Variants in MGST1 observed in about 807,000 individuals in gnomAD.
MGST1 encodes microsomal glutathione S-transferase 1.
In MGST1, 5 loss-of-function variants were observed where a neutral mutation model predicts 8.9. That is an observed-to-expected ratio of 0.56 (90% CI 0.29 to 1.19). The LOEUF (loss-of-function observed/expected upper bound fraction) is 1.19, where lower values mean the gene tolerates loss of function less well. MGST1 is among the 50% of genes most tolerant of loss of function. MGST1 has a pLI of 0.08. For synonymous variants in MGST1, 54 were observed against 67.8 expected, an observed-to-expected ratio of 0.80 and a Z score of 1.00; for missense variants, 182 against 187.4, an observed-to-expected ratio of 0.97 and a Z score of 0.17.
At chr12:16,377,025 A>AAT (rs1940391187) in exon 4 of MGST1, 1 of 152,088 alleles carries the variant, frequency 6.6e-6, no homozygotes, top group Admixed American at 6.6e-5. Context: ...CCAAGACCTA[A>AAT]ATATAGCTTA....
rs1055250422 is a variant in MGST1, at chr12:16,413,465, C to G, written n.779-23923C>G. Among the ~76,000 whole-genome samples, 1 of 152,062 alleles carries G rather than the reference C, an allele frequency of 6.6e-6. No homozygotes were observed. The highest frequency in any genetic ancestry group is 1.5e-5 in the Non-Finnish European group (1 of 68,024). ...TTAATGGTACAGGCATTTTATGACC[C>G]CTGAGAACAGCAGGTAAGTGGTGGT... is the stretch of plus-strand genomic sequence containing the variant. On this transcript the variant is annotated intron_variant and non_coding_transcript_variant, in intron 1 of 1. Transcript: ENST00000359720. The surrounding 1 kb of genome is among the most constrained non-coding windows in gnomAD (Gnocchi z 4.0).
chr12:16,400,806 T>A, intron 1 of MGST1: 1 of 1,240,006 alleles, frequency 8.1e-7, no homozygotes, highest in Non-Finnish European at 1.2e-6. Context: ...AACACAGGCA[T>A]TATTACAGTC....
intron 4 of MGST1, among the ~76,000 whole-genome samples, chr12:16,575,825 C>A (rs1942976252): frequency 7.8e-6 from 1 of 127,846 alleles, no homozygotes; most frequent in South Asian, 2.6e-4. Context: ...AAATTCTTCA[C>A]TTTCTACTCA....
chr12:16,483,128 C>G (rs978292463), intron 4 of MGST1, among the ~76,000 whole-genome samples: 59 of 152,300 alleles, frequency 3.9e-4, no homozygotes, highest in Non-Finnish European at 7.2e-4. Context: ...GCAGGCACAG[C>G]CTGCTAAAAT....
In MGST1 at chr12:16,537,395, G is replaced by A. The variant is rs1941762409; in HGVS notation, n.483-52133G>A. On this transcript the variant is annotated intron_variant and non_coding_transcript_variant, in intron 4 of 4. Transcript: ENST00000538857. The surrounding 1 kb of genome is among the most constrained non-coding windows in gnomAD (Gnocchi z 4.6). ...GTATCTGTGGCTTTTCCAGTAGCAT[G>A]GTGCAAGCTGTGGGATCTACCATTC... Among the ~76,000 whole-genome samples, 2 of 152,134 alleles carry A rather than the reference G, an allele frequency of 1.3e-5. No homozygotes were observed. Among genetic ancestry groups the A allele is most frequent in the African/African-American group, 4.8e-5 (2 of 41,424 alleles).
chr12:16,351,659 A>G (rs562437825), intron 1 of MGST1, among the ~76,000 whole-genome samples: 30 of 152,128 alleles, frequency 2.0e-4, no homozygotes, highest in Non-Finnish European at 4.0e-4. Flanking sequence ...AAAATACAAA[A>G]ATTAGCCAGG....
chr12:16,414,978 C>T (rs138012285), intron 1 of MGST1, among the ~76,000 whole-genome samples: 1,749 of 152,156 alleles, frequency 0.011, 39 homozygotes, highest in African/African-American at 0.04. Flanking sequence ...GAGCCAAGAT[C>T]GCACCATTGC....
chr12:16,519,949 C>CG (rs1941638179), intron 4 of MGST1, among the ~76,000 whole-genome samples: 1 of 152,150 alleles, frequency 6.6e-6, no homozygotes, highest in Non-Finnish European at 1.5e-5. Context: ...CAATCAGATA[C>CG]ATGTTGCCTC....
chr12:16,412,855 G>A (rs1219999317), intron 1 of MGST1, among the ~76,000 whole-genome samples: 1 of 152,154 alleles, frequency 6.6e-6, no homozygotes, highest in Non-Finnish European at 1.5e-5. Flanking sequence ...TTAGCAGGGT[G>A]AGAACAGACT....
At chr12:16,463,151 ACTG>A (rs1414136320) in intron 4 of MGST1, among the ~76,000 whole-genome samples, 1 of 152,100 alleles carries the variant, frequency 6.6e-6, no homozygotes, top group Non-Finnish European at 1.5e-5. Context: ...AGAGACTAAT[ACTG>A]CTTACCTCTC....
Position 16,413,382 on chromosome 12 carries a change from C to T in MGST1, n.779-24006C>T, listed in dbSNP as rs908435709. Among the ~76,000 whole-genome samples, 5 of 152,158 alleles carry T rather than the reference C, an allele frequency of 3.3e-5. No homozygotes were observed. Among genetic ancestry groups the T allele is most frequent in the Admixed American group, 2.6e-4 (4 of 15,270 alleles). On this transcript the variant is annotated intron_variant and non_coding_transcript_variant, in intron 1 of 1. Transcript: ENST00000359720. The surrounding 1 kb of genome is among the most constrained non-coding windows in gnomAD (Gnocchi z 4.0). ...CAGCAAAAAAGACATCTGTTCATCCCGCAAGATTTTGCTAACTCTCATCCA... is the reference window on the plus strand; with the variant it reads ...CAGCAAAAAAGACATCTGTTCATCCTGCAAGATTTTGCTAACTCTCATCCA...
At chr12:16,490,030 G>A (rs1298638914) in intron 4 of MGST1, among the ~76,000 whole-genome samples, 2 of 152,138 alleles carry the variant, frequency 1.3e-5, no homozygotes, top group African/African-American at 4.8e-5. Context: ...TGGAGGCCTA[G>A]GTGGGAAAAT....
At chr12:16,407,484 C>A (rs896855958) in intron 1 of MGST1, among the ~76,000 whole-genome samples, 23 of 152,226 alleles carry the variant, frequency 1.5e-4, no homozygotes, top group African/African-American at 4.8e-4. Flanking sequence ...ATAAGTTCAA[C>A]CATTGTGGAA....
At chr12:16,479,776 C>G (rs923570497) in intron 4 of MGST1, among the ~76,000 whole-genome samples, 1 of 150,688 alleles carries the variant, frequency 6.6e-6, no homozygotes, top group East Asian at 2.0e-4. Context: ...CCTCAAGCAA[C>G]GCTCCTGCCT....
intron 4 of MGST1, among the ~76,000 whole-genome samples, chr12:16,567,038 T>C (rs1266211142): frequency 6.6e-6 from 1 of 152,052 alleles, no homozygotes; most frequent in Non-Finnish European, 1.5e-5. Context: ...CTACTAAAAA[T>C]ATGAAAAATT....
chr12:16,556,445 G>T (rs1339000174), intron 4 of MGST1, among the ~76,000 whole-genome samples: 5 of 152,112 alleles, frequency 3.3e-5, no homozygotes, highest in Non-Finnish European at 7.4e-5. Context: ...AATCCTGAAA[G>T]GTTATTATTA....
intron 4 of MGST1, among the ~76,000 whole-genome samples, chr12:16,451,490 A>G (rs1362797598): frequency 6.6e-6 from 1 of 151,962 alleles, no homozygotes; most frequent in East Asian, 1.9e-4. Flanking sequence ...ATTAAAATAA[A>G]TTGAGTAGAG....
At chr12:16,374,997 C>G (rs1044179881) in intron 3 of MGST1, among the ~76,000 whole-genome samples, 2 of 152,160 alleles carry the variant, frequency 1.3e-5, no homozygotes, top group Admixed American at 1.3e-4. Context: ...CCTCCCTCTG[C>G]CGCCTCTTGA....
At chr12:16,429,008 T>A (rs1229677880) in intron 1 of MGST1, among the ~76,000 whole-genome samples, 1 of 152,112 alleles carries the variant, frequency 6.6e-6, no homozygotes, top group African/African-American at 2.4e-5. Flanking sequence ...GTTGTGTACA[T>A]TTTTGTTTTT....
Sources: gnomAD v4.1 joint callset for allele counts (sites outside exome capture counted in the v4.1 genomes callset) on GRCh38, gnomAD v4.1.1 for gene constraint, Gnocchi (gnomAD v3.1) non-coding constraint, MANE v1.5 for transcripts, NCBI Gene and HGNC (gene_info 2026-07-23, HGNC 2026-07-21) for gene names.